The following NDUFAF6 variants were observed in gnomAD, a reference collection of about 807,000 sequenced individuals.
The protein encoded by NDUFAF6 is NADH:ubiquinone oxidoreductase complex assembly factor 6.
In NDUFAF6, 45 loss-of-function variants were observed where a neutral mutation model predicts 40.8. The ratio of observed to expected loss-of-function variants is 1.10; its 90% CI spans 0.87 to 1.42. NDUFAF6 has a LOEUF of 1.42. Ranked by LOEUF, NDUFAF6 falls within the 40% of genes most tolerant of loss-of-function variation. The pLI is 0.00. For synonymous variants in NDUFAF6, 185 were observed against 155.9 expected (o/e 1.19, Z -1.39); for missense variants, 435 against 418.5 (o/e 1.04, Z -0.34).
rs533545681 is a variant in NDUFAF6 at position 94,937,665 on chromosome 8, A to G, written c.-935-7818A>G. On this transcript the variant is annotated intron_variant, in intron 1 of 14. Coordinates refer to the NDUFAF6 transcript ENST00000396113. ...ATTTTTTTTTCCTCTACTGGATGCA[A>G]TGGTCCTAGGACCAGGGCTGTAACT... 5.3e-5 allele frequency among the ~76,000 whole-genome samples: 8 copies of G among 152,062 alleles called. No homozygotes were observed. The South Asian group carries it at 1.5e-3, about 28-fold the overall frequency.
At chr8:94,942,766 T>C (rs1215945327) in intron 1 of NDUFAF6, among the ~76,000 whole-genome samples, 1 of 152,152 alleles carries the variant, frequency 6.6e-6, no homozygotes, top group African/African-American at 2.4e-5. Flanking sequence ...CTTGAGTGGC[T>C]GAGGTCAGTA....
intron 1 of NDUFAF6, among the ~76,000 whole-genome samples, chr8:94,898,271 C>A (rs1217099451): frequency 1.3e-5 from 2 of 152,144 alleles, no homozygotes; most frequent in Admixed American, 1.3e-4. Context: ...TACCTAATAT[C>A]TTTTTATTGC....
Position 95,047,015 on chromosome 8 carries a change from A to T in NDUFAF6, c.602A>T (p.Asp201Val). The change falls in exon 6 of 9, where the codon GAT becomes GTT. Residue 201 changes from aspartate (D) to valine (V), a missense_variant. Transcript: ENST00000396124. ...ATAGGTATAAAGGATCTTCATGCAG[A>T]TCATGCTGCAAGTCATATTGGAAAA... ...EILGIKDLHADHAASHIGKAQ... is the reference protein window; with the variant it reads ...EILGIKDLHAVHAASHIGKAQ... 6.2e-7 allele frequency: 1 copy of T among 1,614,160 alleles called. No individual in the cohort carries two copies. Among genetic ancestry groups the T allele is most frequent in the Non-Finnish European group, 8.5e-7 (1 of 1,180,018 alleles).
At chr8:94,939,891 T>A (rs756275649) in intron 1 of NDUFAF6, 1 of 1,613,948 alleles carries the variant, frequency 6.2e-7, no homozygotes, top group Non-Finnish European at 8.5e-7. Flanking sequence ...AATTCATCAG[T>A]CCCACGGGTG....
intron 2 of NDUFAF6, among the ~76,000 whole-genome samples, chr8:95,019,952 A>G (rs908349094): frequency 6.6e-6 from 1 of 152,196 alleles, no homozygotes; most frequent in African/African-American, 2.4e-5. Context: ...TAATCCCAGC[A>G]CTTTGGGAGG....
At chr8:95,033,632 G>A (rs958902400) in intron 2 of NDUFAF6, among the ~76,000 whole-genome samples, 6 of 152,158 alleles carry the variant, frequency 3.9e-5, no homozygotes, top group African/African-American at 1.2e-4. Flanking sequence ...AGGAGGCTTC[G>A]AAGGCTGGGT....
chr8:94,899,343 T>G (rs971022293), intron 1 of NDUFAF6, among the ~76,000 whole-genome samples: 7 of 152,256 alleles, frequency 4.6e-5, no homozygotes, highest in Admixed American at 2.6e-4. Context: ...GAACACACTT[T>G]GAGAACTGCA....
downstream of NDUFAF6, among the ~76,000 whole-genome samples, chr8:95,060,760 G>C (rs1832552435): frequency 6.6e-6 from 1 of 152,174 alleles, no homozygotes; most frequent in African/African-American, 2.4e-5. Flanking sequence ...AGATTGTCAA[G>C]TAAACTGCCA....
At chr8:94,961,426 GT>G (rs558575187) in intron 1 of NDUFAF6, among the ~76,000 whole-genome samples, 160 of 152,122 alleles carry the variant, frequency 1.1e-3, no homozygotes, top group Admixed American at 2.3e-3. Flanking sequence ...CATTATTGTT[GT>G]TTTTTTTCTT....
intron 2 of NDUFAF6, among the ~76,000 whole-genome samples, chr8:95,082,207 T>A (rs1193657723): frequency 6.6e-6 from 1 of 152,068 alleles, no homozygotes; most frequent in Non-Finnish European, 1.5e-5. Context: ...CTGGGTGCGG[T>A]GGCTTATGCC....
intron 1 of NDUFAF6, among the ~76,000 whole-genome samples, chr8:94,960,858 C>A (rs181378987): frequency 6.6e-6 from 1 of 152,240 alleles, no homozygotes. Context: ...CCCTTCATAC[C>A]TTTTACGGGT....
In NDUFAF6 at chr8:94,991,406, T is replaced by A. The variant is rs182400334; in HGVS notation, c.-84+10433T>A. Reference sequence around the variant, plus strand: ...CGTGAACTCTGGAGTCAGGCAGAGGTAGGCTAGAATCAGACTCCATGTGCA... The same window carrying A: ...CGTGAACTCTGGAGTCAGGCAGAGGAAGGCTAGAATCAGACTCCATGTGCA... On this transcript the variant is annotated intron_variant, in intron 2 of 9. Transcript: ENST00000396111. Among the ~76,000 whole-genome samples, 3 of 152,288 alleles carry A rather than the reference T, an allele frequency of 2.0e-5. No homozygotes were observed. In the East Asian group the frequency reaches 5.8e-4, roughly 29 times the overall value.
At chr8:94,947,786 G>C (rs1028929846) in intron 2 of NDUFAF6, among the ~76,000 whole-genome samples, 1 of 152,240 alleles carries the variant, frequency 6.6e-6, no homozygotes, top group African/African-American at 2.4e-5. Flanking sequence ...GCAATGGCAG[G>C]AAAGAACAAA....
intron 1 of NDUFAF6, among the ~76,000 whole-genome samples, chr8:94,935,128 T>TATAG (rs56734843): frequency 0.36 from 52,381 of 144,440 alleles, 9,490 homozygotes; most frequent in African/African-American, 0.4. Flanking sequence ...GGTAGATAGA[T>TATAG]ATAGATAGAT....
intron 1 of NDUFAF6, among the ~76,000 whole-genome samples, chr8:95,029,508 G>A (rs1249955517): frequency 6.6e-6 from 1 of 152,162 alleles, no homozygotes; most frequent in African/African-American, 2.4e-5. Context: ...TCAAAATCAG[G>A]AAATTAAAAT....
At chr8:94,952,895 A>C (rs1030661853) in intron 2 of NDUFAF6, among the ~76,000 whole-genome samples, 12 of 152,208 alleles carry the variant, frequency 7.9e-5, no homozygotes, top group African/African-American at 2.7e-4. Flanking sequence ...TTCAGTAACC[A>C]GTGCTAGGGG....
chr8:95,006,218 C>G (rs1423109500), intron 2 of NDUFAF6, among the ~76,000 whole-genome samples: 1 of 151,768 alleles, frequency 6.6e-6, no homozygotes, highest in Non-Finnish European at 1.5e-5. Flanking sequence ...ATTAGCTGGG[C>G]GTGATGCTGG....
At chr8:94,899,739 T>G (rs1817893186) in intron 1 of NDUFAF6, among the ~76,000 whole-genome samples, 1 of 152,230 alleles carries the variant, frequency 6.6e-6, no homozygotes. Flanking sequence ...CTCTCTTCAG[T>G]GCAATACTCT....
chr8:95,046,950 T>C (rs367797522), intron 5 of NDUFAF6, 44 bp from the exon 6 acceptor site: 4 of 1,611,904 alleles, frequency 2.5e-6, no homozygotes, highest in Non-Finnish European at 3.4e-6. Flanking sequence ...TGATTTATTA[T>C]GCACTTAGAA....
Sources: allele counts gnomAD v4.1 joint callset (sites outside exome capture counted in the v4.1 genomes callset), GRCh38; gene constraint gnomAD v4.1.1; transcripts MANE v1.5; gene names NCBI Gene and HGNC (gene_info 2026-07-23, HGNC 2026-07-21).